Variants in KIF1A observed in about 807,000 individuals in gnomAD.
KIF1A encodes kinesin-like protein KIF1A.
KIF1A carries 46 observed loss-of-function variants against 227.3 expected under a neutral mutation model. The observed-to-expected ratio is 0.20, with a 90% confidence interval of 0.16 to 0.26. The LOEUF (loss-of-function observed/expected upper bound fraction) is 0.26, where lower values mean the gene tolerates loss of function less well. KIF1A is among the 10% of genes least tolerant of loss of function. The pLI is 1.00. For missense variants in KIF1A, 1,683 were observed against 2,485.9 expected (o/e 0.68, Z 6.87); for synonymous variants, 1,022 against 1,012.8 (o/e 1.01, Z -0.17).
At chr2:240,754,962 C>T (rs758123293) in intron 27 of KIF1A, among the ~76,000 whole-genome samples, 8 of 152,184 alleles carry the variant, frequency 5.3e-5, no homozygotes, top group Non-Finnish European at 8.8e-5. Context: ...TGCGCTCCCT[C>T]CCCAGCCCTG....
At chr2:240,771,171 C>T (rs762439483) in intron 14 of KIF1A, 67 bp from the exon 15 acceptor site, 14 of 1,604,102 alleles carry the variant, frequency 8.7e-6, no homozygotes, top group South Asian at 6.6e-5. Flanking sequence ...TTCTCAAGGT[C>T]GGACACGTCT....
chr2:240,734,831 T>C (rs2047140461), intron 38 of KIF1A: 4 of 977,120 alleles, frequency 4.1e-6, no homozygotes, highest in South Asian at 2.7e-5. Context: ...GGAAGCGGCC[T>C]GTGGCCACAG....
At chr2:240,785,436 G>T (rs555263118) in intron 6 of KIF1A, among the ~76,000 whole-genome samples, 11 of 152,248 alleles carry the variant, frequency 7.2e-5, no homozygotes, top group Non-Finnish European at 1.6e-4. Flanking sequence ...AGGGGAAGGG[G>T]GAAAGGGCTG....
In KIF1A at chr2:240,771,637, G is replaced by A. The variant is rs151144555; in HGVS notation, c.1208-533C>T. 7.1e-3 allele frequency among the ~76,000 whole-genome samples: 1,073 copies of A among 152,122 alleles called. 17 individuals are homozygous for A. The highest frequency in any genetic ancestry group is 0.025 in the African/African-American group (1,050 of 41,472). On this transcript the variant is annotated intron_variant, in intron 14 of 48. Coordinates refer to ENST00000498729, the MANE Select transcript of KIF1A (RefSeq NM_001244008.2). ...AGCAGCGCCCCGTGCAGACCCCCAC[G>A]CTTGTCCTCCCACCCCTCACATCCA...
rs1575506622 is a variant in KIF1A at position 240,715,497 on chromosome 2, A to G, written c.*1867T>C. 6.6e-6 allele frequency: 1 copy of G among 152,408 alleles called. No individual in the cohort carries two copies. Among genetic ancestry groups the G allele is most frequent in the East Asian group, 1.9e-4 (1 of 5,224 alleles). The allele number at this position is 152,408 out of a possible 1,614,324, so 9.4% of individuals were successfully genotyped here. On this transcript the variant is annotated 3_prime_UTR_variant, in exon 49 of 49. Transcript: ENST00000498729. ...AGCCCAGGTACGAAAAGGCGAGCCC[A>G]CAGTCCCAGCTCCCAAACAGGCTGG...
At chr2:240,774,391 A>ACCCCCC (rs570956380) in intron 11 of KIF1A, 130 bp from the exon 12 acceptor site, 27 of 253,664 alleles carry the variant, frequency 1.1e-4, no homozygotes, top group African/African-American at 3.2e-4. Flanking sequence ...TCACAGGCTT[A>ACCCCCC]CCCCCCCCCC....
chr2:240,766,270 T>G lies in KIF1A; in HGVS notation c.1685-477A>C, dbSNP rs1024564621. On this transcript the variant is annotated intron_variant, in intron 19 of 48. Transcript: ENST00000498729. The surrounding 1 kb of genome is among the most constrained non-coding windows in gnomAD (Gnocchi z 5.0). ...ACAGGTCTGCAGGCCAGAGGCTGGC[T>G]GGATGCTGCCGGGAGATGCCCTTAG... Among the ~76,000 whole-genome samples the G allele has an allele frequency of 6.6e-6, 1 of 152,218 alleles. No individual in the cohort carries two copies. The highest frequency in any genetic ancestry group is 1.5e-5 in the Non-Finnish European group (1 of 68,026).
intron 10 of KIF1A, among the ~76,000 whole-genome samples, chr2:240,777,129 C>T (rs139491536): frequency 7.2e-5 from 11 of 152,258 alleles, no homozygotes; most frequent in African/African-American, 4.8e-5. Context: ...CTGCAACCTC[C>T]GCCTCCCGGG....
intron 37 of KIF1A, 198 bp from the exon 38 acceptor site, chr2:240,737,366 C>T (rs2047460941): frequency 5.8e-6 from 3 of 518,516 alleles, no homozygotes; most frequent in Non-Finnish European, 1.1e-5. Flanking sequence ...GTTGCTGCTC[C>T]ACGGTCTTTC....
chr2:240,796,434 G>A (rs1201235745), intron 2 of KIF1A, among the ~76,000 whole-genome samples: 3 of 152,172 alleles, frequency 2.0e-5, no homozygotes, highest in Non-Finnish European at 4.4e-5. Flanking sequence ...CGGCCACGGA[G>A]GTCACCCACT....
rs375266480 is a variant in KIF1A, at chr2:240,745,436, G to A, written c.3456C>T (p.His1152=). The A allele has an allele frequency of 1.7e-5, 28 of 1,612,588 alleles. No individual in the cohort carries two copies. Among genetic ancestry groups the A allele is most frequent in the African/African-American group, 4.0e-5 (3 of 74,908 alleles). Residue 1152 remains histidine, a synonymous_variant, in exon 32 of 49, where the codon CAC becomes CAT. Transcript: ENST00000498729. The part of the protein sequence containing the change: ...TGRGPPLGFY[H]VQNIAVEVTK... Reference sequence around the variant, plus strand: ...GTGCCCAGGAACGTACGTTCTGGACGTGGTAGAAGCCAAGTGGGGGGCCTC... The same window carrying A: ...GTGCCCAGGAACGTACGTTCTGGACATGGTAGAAGCCAAGTGGGGGGCCTC...
chr2:240,738,690 A>G (rs1272283673), intron 37 of KIF1A, among the ~76,000 whole-genome samples: 1 of 152,208 alleles, frequency 6.6e-6, no homozygotes, highest in Non-Finnish European at 1.5e-5. Flanking sequence ...AGCATCCCTG[A>G]TCACCCAACC....
rs369475699 is a variant in KIF1A, at chr2:240,719,843, G to A, written c.4952C>T (p.Ala1651Val). The A allele has an allele frequency of 1.4e-5, 22 of 1,611,760 alleles. No individual in the cohort carries two copies. In the African/African-American group the frequency reaches 2.3e-4, roughly 17 times the overall value. The change falls in exon 46 of 49, where the codon GCC (alanine) becomes GTC (valine). Residue 1651 changes from alanine (A) to valine (V), a missense_variant. Physicochemically the swap from Ala to Val is moderately conservative, Grantham distance 64 (BLOSUM62 0). Transcript: ENST00000498729. ...EADSKKLPSP[A>V]RATETDKEPQ... ...CTCCTTGTCTGTCTCTGTTGCCCGG[G>A]CAGGGGAAGGGAGCTTCTTGGAGTC...
intron 20 of KIF1A, among the ~76,000 whole-genome samples, chr2:240,764,018 G>A (rs2050844377): frequency 1.3e-5 from 2 of 152,196 alleles, no homozygotes; most frequent in South Asian, 2.1e-4. Context: ...GGCCCTCCAG[G>A]GCAGCACTCA....
At chr2:240,746,832 G>A (rs1393753955) in intron 29 of KIF1A, among the ~76,000 whole-genome samples, 2 of 152,230 alleles carry the variant, frequency 1.3e-5, no homozygotes, top group Admixed American at 6.5e-5. Flanking sequence ...CAGGGGGGCA[G>A]CCCAGGAGCA....
At position 240,786,361 on chromosome 2, in the gene KIF1A, G is replaced by A; in HGVS notation, c.582C>T (p.Asp194=). The A allele has an allele frequency of 1.2e-6, 2 of 1,613,640 alleles. No homozygotes were observed. The highest frequency in any genetic ancestry group is 1.7e-6 in the Non-Finnish European group (2 of 1,179,808). The change falls in exon 6 of 49, where the codon GAC becomes GAT. Residue 194 remains aspartate (D), a synonymous_variant. Coordinates refer to ENST00000498729, the MANE Select transcript of KIF1A (RefSeq NM_001244008.2). ...LAVTSYNDIQ[D]LMDSGNKART... ...TGGCCTTGTTCCCTGAGTCCATGAG[G>A]TCCTGGATGTCATTGTAGGAGGTGA... is the stretch of plus-strand genomic sequence containing the variant.
chr2:240,788,053 G>C lies in KIF1A; in HGVS notation c.361C>G (p.Gln121Glu). Reference sequence around the variant, plus strand: ...CCCGCCCGCCCCCCGCTTCGTGCCTGTGGGATGATGCCCTGCTGGTCCTTC... The same window carrying C: ...CCCGCCCGCCCCCCGCTTCGTGCCTCTGGGATGATGCCCTGCTGGTCCTTC... ...QEKDQQGIIP[Q>E]LCEDLFSRIN... The change falls in exon 4 of 49, where the codon CAG becomes GAG. Residue 121 changes from glutamine to glutamate, a missense_variant and splice_region_variant. By Grantham distance (29) the Gln-to-Glu change is conservative. Coordinates refer to ENST00000498729, the MANE Select transcript of KIF1A (RefSeq NM_001244008.2). This position sits in a 1 kb window ranked among gnomAD's most constrained non-coding sequence, Gnocchi z 6.6. The C allele has an allele frequency of 2.6e-6, 4 of 1,552,978 alleles. No individual in the cohort carries two copies. Among genetic ancestry groups the C allele is most frequent in the South Asian group, 1.2e-5 (1 of 84,740 alleles).
At chr2:240,727,081 G>A (rs887496043) in intron 38 of KIF1A, 141 bp from the exon 39 acceptor site, 33 of 562,838 alleles carry the variant, frequency 5.9e-5, no homozygotes, top group Admixed American at 3.7e-4. Flanking sequence ...AAGCCCGGGC[G>A]GCGGTGCCAG....
chr2:240,737,006 G>C, intron 38 of KIF1A, 57 bp downstream of exon 38: 2 of 1,413,624 alleles, frequency 1.4e-6, no homozygotes, highest in South Asian at 2.3e-5. Context: ...GTTGGCTGAG[G>C]GCCTGGCAGG....
Sources: gnomAD v4.1 joint callset for allele counts (sites outside exome capture counted in the v4.1 genomes callset) on GRCh38, gnomAD v4.1.1 for gene constraint, Gnocchi (gnomAD v3.1) non-coding constraint, MANE v1.5 for transcripts, NCBI Gene and HGNC (gene_info 2026-07-23, HGNC 2026-07-21) for gene names.